Variants in NAA15 observed in about 807,000 individuals in gnomAD.
The protein encoded by NAA15 is N-alpha-acetyltransferase 15, NatA auxiliary subunit.
Under a neutral mutation model 114.0 loss-of-function variants are expected in NAA15, and 34 were observed. The observed-to-expected ratio is 0.30, with a 90% CI of 0.23 to 0.40. The LOEUF (loss-of-function observed/expected upper bound fraction) is 0.40. Ranked by LOEUF, NAA15 falls within the 10% of genes least tolerant of loss-of-function variation. The pLI, the probability that NAA15 is intolerant of heterozygous loss-of-function variation, is 1.00. For synonymous variants in NAA15, 340 were observed against 338.0 expected (o/e 1.01, Z -0.06); for missense variants, 658 against 1,004.5 (o/e 0.66, Z 4.66).
At chr4:139,328,192 A>C (rs994367338) in intron 1 of NAA15, among the ~76,000 whole-genome samples, 3 of 151,914 alleles carry the variant, frequency 2.0e-5, no homozygotes, top group Admixed American at 2.0e-4. Flanking sequence ...TTTTAAAAAA[A>C]TTGAAATTAA....
intron 1 of NAA15, among the ~76,000 whole-genome samples, chr4:139,303,379 CTG>C (rs1745879784): frequency 6.6e-6 from 1 of 152,082 alleles, no homozygotes; most frequent in South Asian, 2.1e-4. Flanking sequence ...AAAAATGAAA[CTG>C]AAAAGTTGAG....
At chr4:139,310,994 G>A (rs1022415670) in intron 1 of NAA15, among the ~76,000 whole-genome samples, 1 of 150,712 alleles carries the variant, frequency 6.6e-6, no homozygotes, top group African/African-American at 2.4e-5. Context: ...GTGTGATCTC[G>A]GCTCACTGCA....
intron 11 of NAA15, among the ~76,000 whole-genome samples, chr4:139,358,984 A>C (rs938618811): frequency 3.3e-5 from 5 of 151,688 alleles, no homozygotes; most frequent in African/African-American, 1.2e-4. Context: ...GTGTGGTGGC[A>C]GGCCCAGCTA....
chr4:139,330,710 A>T (rs1579098478), intron 1 of NAA15, among the ~76,000 whole-genome samples: 2 of 152,290 alleles, frequency 1.3e-5, no homozygotes, highest in Admixed American at 1.3e-4. Flanking sequence ...TAGGTTTCAG[A>T]TGCAAAACAA....
chr4:139,352,025 GT>G (rs1747795377), intron 9 of NAA15, among the ~76,000 whole-genome samples: 1 of 151,820 alleles, frequency 6.6e-6, no homozygotes, highest in South Asian at 2.1e-4. Context: ...TGTCAGAAGA[GT>G]TTTTTTGATG....
chr4:139,375,697 A>G (rs996000910), intron 15 of NAA15, among the ~76,000 whole-genome samples: 32 of 152,264 alleles, frequency 2.1e-4, no homozygotes, highest in African/African-American at 7.5e-4. Context: ...AAGACAGGGA[A>G]TAGTCTTGTC....
At chr4:139,328,261 C>T (rs979082134) in intron 1 of NAA15, among the ~76,000 whole-genome samples, 10 of 152,160 alleles carry the variant, frequency 6.6e-5, no homozygotes, top group Non-Finnish European at 1.5e-4. Context: ...TGCTGGAGTG[C>T]AGTGGCACGA....
At position 139,388,220 on chromosome 4, in the gene NAA15, G is replaced by A. The variant is rs1253841625; in HGVS notation, c.*136G>A. 27 of 642,262 alleles carry A rather than the reference G, an allele frequency of 4.2e-5. No homozygotes were observed. The highest frequency in any genetic ancestry group is 1.7e-4 in the East Asian group (6 of 35,222). The allele number at this position is 642,262 out of a possible 1,614,324, so 39.8% of individuals were successfully genotyped here. ...TTCTTGCCTTCAAATAGTGTTTTAC[G>A]TTTTTTATCCTGCTGAAAAAGTATA... On this transcript the variant is annotated 3_prime_UTR_variant, in exon 20 of 20. Transcript: ENST00000296543.
At position 139,344,191 on chromosome 4, in the gene NAA15, C is replaced by T; in HGVS notation, c.543C>T (p.Ser181=). 1 of 1,607,526 alleles carries T rather than the reference C, an allele frequency of 6.2e-7. No homozygotes were observed. Among genetic ancestry groups the T allele is most frequent in the Non-Finnish European group, 8.5e-7 (1 of 1,176,994 alleles). ...TTCCTTATATCCATATACAGACATC[C>T]CCTGACAAGGTGGATTATGAATATA... The part of the protein sequence containing the change: ...LEEFRKTQQT[S]PDKVDYEYSE... The change falls in exon 6 of 20, where the codon TCC becomes TCT. Residue 181 remains serine (S), a synonymous_variant. Coordinates refer to ENST00000296543, the MANE Select transcript of NAA15 (RefSeq NM_057175.5).
intron 9 of NAA15, among the ~76,000 whole-genome samples, chr4:139,352,931 G>A (rs1215402516): frequency 6.6e-6 from 1 of 152,064 alleles, no homozygotes; most frequent in Non-Finnish European, 1.5e-5. Context: ...GCCTCCCAAA[G>A]TGCTGGGATT....
intron 1 of NAA15, among the ~76,000 whole-genome samples, chr4:139,311,508 T>G (rs1257852389): frequency 6.6e-6 from 1 of 151,902 alleles, no homozygotes; most frequent in Non-Finnish European, 1.5e-5. Flanking sequence ...TGGTAAGACT[T>G]TGAAGTTTAA....
intron 1 of NAA15, among the ~76,000 whole-genome samples, chr4:139,323,886 A>T (rs1447588625): frequency 2.0e-5 from 3 of 152,100 alleles, no homozygotes; most frequent in African/African-American, 7.2e-5. Context: ...AGCACATGCG[A>T]CTTTATTATC....
intron 5 of NAA15, 144 bp downstream of exon 5, chr4:139,343,104 G>T: frequency 3.2e-6 from 2 of 615,400 alleles, no homozygotes; most frequent in South Asian, 2.5e-5. Context: ...TCTACATAGG[G>T]GTTCATTCAT....
chr4:139,376,541 C>T (rs1434026915), intron 16 of NAA15, 68 bp downstream of exon 16: 8 of 917,150 alleles, frequency 8.7e-6, no homozygotes, highest in Non-Finnish European at 1.4e-5. Flanking sequence ...AGTCACCCAA[C>T]TCTGATAGCC....
chr4:139,358,997 C>T (rs1177857925), intron 11 of NAA15, among the ~76,000 whole-genome samples: 4 of 151,254 alleles, frequency 2.6e-5, no homozygotes, highest in Non-Finnish European at 5.9e-5. Flanking sequence ...CCCAGCTACT[C>T]GGGAGGCTGA....
intron 1 of NAA15, among the ~76,000 whole-genome samples, chr4:139,333,852 A>T (rs1747112124): frequency 6.6e-6 from 1 of 152,128 alleles, no homozygotes. Flanking sequence ...GTGAGCTGTC[A>T]TCACGCCACT....
intron 1 of NAA15, among the ~76,000 whole-genome samples, chr4:139,322,447 A>G (rs897880044): frequency 9.2e-5 from 14 of 152,206 alleles, no homozygotes; most frequent in African/African-American, 2.4e-4. Context: ...CAGCAGCATG[A>G]AAATGGACTA....
At chr4:139,349,356 A>T in intron 6 of NAA15, 106 bp from the exon 7 acceptor site, 1 of 1,014,312 alleles carries the variant, frequency 9.9e-7, no homozygotes, top group Non-Finnish European at 1.4e-6. Flanking sequence ...ACTTAGCAGC[A>T]CTGATTTATA....
rs1461524780 is a variant in NAA15, at chr4:139,388,674, A to T, written c.*590A>T. On this transcript the variant is annotated 3_prime_UTR_variant, in exon 20 of 20. Coordinates refer to ENST00000296543, the MANE Select transcript of NAA15 (RefSeq NM_057175.5). ...TACCAAGCAAAATTATAAGAAACCT[A>T]TAAGGTGTTCAATACGCTTGTGTTT... 1 of 152,870 alleles carries T rather than the reference A, an allele frequency of 6.5e-6. No individual in the cohort carries two copies. Among genetic ancestry groups the T allele is most frequent in the Non-Finnish European group, 1.5e-5 (1 of 68,320 alleles). The allele number at this position is 152,870 out of a possible 1,614,324, so 9.5% of individuals were successfully genotyped here.
Sources: allele counts gnomAD v4.1 joint callset (sites outside exome capture counted in the v4.1 genomes callset), GRCh38; gene constraint gnomAD v4.1.1; transcripts MANE v1.5; gene names NCBI Gene and HGNC (gene_info 2026-07-23, HGNC 2026-07-21).